Variants in CLASP1 observed in about 807,000 individuals in gnomAD.
CLASP1 encodes the protein CLIP-associating protein 1.
Under a neutral mutation model 192.3 loss-of-function variants are expected in CLASP1, and 38 were observed. The ratio of observed to expected loss-of-function variants is 0.20; its 90% CI spans 0.15 to 0.26. CLASP1 has a LOEUF of 0.26. Among genes scored for constraint, CLASP1 ranks in the 10% least tolerant of loss-of-function variants. CLASP1 has a pLI of 1.00. For synonymous variants in CLASP1, 691 were observed against 712.8 expected (o/e 0.97, Z 0.49); for missense variants, 1,433 against 1,932.5 (o/e 0.74, Z 4.85).
At chr2:121,528,646 G>C (rs1200099171) in intron 4 of CLASP1, 31 bp downstream of exon 4, 4 of 1,586,518 alleles carry the variant, frequency 2.5e-6, no homozygotes, top group Non-Finnish European at 3.5e-6. Flanking sequence ...GCACTGGCCA[G>C]CTGACCTCAA....
chr2:121,404,521 C>A, intron 25 of CLASP1, 87 bp from the exon 27 acceptor site: 1 of 1,179,610 alleles, frequency 8.5e-7, no homozygotes, highest in Non-Finnish European at 1.2e-6. Context: ...GGCTAGAGTG[C>A]AGTGGTGCGA....
intron 8 of CLASP1, chr2:121,470,254 A>T (rs1481393969): frequency 2.0e-6 from 1 of 498,204 alleles, no homozygotes; most frequent in Non-Finnish European, 3.9e-6. Context: ...ACCTTGAAAC[A>T]GTTATTTTCA....
At chr2:121,594,544 T>C (rs76092665) in intron 2 of CLASP1, among the ~76,000 whole-genome samples, 35,701 of 150,024 alleles carry the variant, frequency 0.24, 6,440 homozygotes, top group African/African-American at 0.51. Flanking sequence ...AGGCACCCGA[T>C]ACCACGCCCG....
intron 8 of CLASP1, among the ~76,000 whole-genome samples, chr2:121,484,147 T>C (rs1278522828): frequency 6.6e-6 from 1 of 152,224 alleles, no homozygotes; most frequent in Non-Finnish European, 1.5e-5. Context: ...AGGATATCTT[T>C]AAAGAGATTT....
intron 30 of CLASP1, among the ~76,000 whole-genome samples, chr2:121,396,925 G>A (rs2075373409): frequency 6.6e-6 from 1 of 152,200 alleles, no homozygotes. Context: ...ATATAAAGTA[G>A]ATGCCTGGGG....
At chr2:121,444,932 C>A (rs759062443) in intron 19 of CLASP1, 22 of 1,357,036 alleles carry the variant, frequency 1.6e-5, no homozygotes, top group Non-Finnish European at 2.1e-5. Context: ...AGAAACAAAC[C>A]GCTTACCCTC....
intron 19 of CLASP1, chr2:121,445,520 C>T: frequency 7.9e-7 from 1 of 1,270,198 alleles, no homozygotes; most frequent in Non-Finnish European, 1.0e-6. Flanking sequence ...AAAGGATCAT[C>T]AGCTTTAATG....
intron 30 of CLASP1, among the ~76,000 whole-genome samples, chr2:121,395,960 C>T (rs1294706578): frequency 6.6e-6 from 1 of 152,164 alleles, no homozygotes; most frequent in Non-Finnish European, 1.5e-5. Flanking sequence ...GAGATTCATT[C>T]CAAGGCCATG....
Position 121,545,262 on chromosome 2 carries a change from G to A in CLASP1, c.196-14937C>T, listed in dbSNP as rs527323471. On this transcript the variant is annotated intron_variant, in intron 2 of 39. Transcript: ENST00000263710. Reference sequence around the variant, plus strand: ...CAGCAAGGGCAGAGAATGAGAGCAAGTTAGAAATCAACAGGGGAATACAAA... The same window carrying A: ...CAGCAAGGGCAGAGAATGAGAGCAAATTAGAAATCAACAGGGGAATACAAA... Among the ~76,000 whole-genome samples the A allele has an allele frequency of 4.6e-5, 7 of 152,268 alleles. No individual in the cohort carries two copies. In the East Asian group the frequency reaches 1.4e-3, roughly 29 times the overall value.
intron 2 of CLASP1, among the ~76,000 whole-genome samples, chr2:121,579,334 T>A (rs1482662122): frequency 6.6e-6 from 1 of 152,228 alleles, no homozygotes; most frequent in East Asian, 1.9e-4. Context: ...AAAATTGGTG[T>A]TTCATGTGCA....
chr2:121,593,749 G>A (rs2062730873), intron 2 of CLASP1, among the ~76,000 whole-genome samples: 1 of 151,186 alleles, frequency 6.6e-6, no homozygotes, highest in African/African-American at 2.4e-5. Context: ...AGTGGCTCAC[G>A]CCTGTAATCC....
intron 23 of CLASP1, among the ~76,000 whole-genome samples, chr2:121,412,462 C>T (rs2077874953): frequency 6.6e-6 from 1 of 151,158 alleles, no homozygotes; most frequent in South Asian, 2.1e-4. Flanking sequence ...TACAGATGAT[C>T]TTTGTTCAAG....
chr2:121,458,992 A>G lies in CLASP1; in HGVS notation c.1179-17T>C. On this transcript the variant is annotated splice_polypyrimidine_tract_variant and intron_variant, in intron 12 of 39. Transcript: ENST00000263710. ...GACAGATGCCTAAAACAAGAAAAGG[A>G]TACTGGACTATAGTTATTTTTCTTA... 1 of 1,585,520 alleles carries G rather than the reference A, an allele frequency of 6.3e-7. No homozygotes were observed.
At chr2:121,438,931 T>C (rs1342378866) in intron 19 of CLASP1, among the ~76,000 whole-genome samples, 1 of 151,118 alleles carries the variant, frequency 6.6e-6, no homozygotes, top group Non-Finnish European at 1.5e-5. Context: ...GTACCTCTGG[T>C]AGAATTCGGC....
rs181535105 is a variant in CLASP1, at chr2:121,557,955, C to A, written c.196-27630G>T. ...AATTAGCCGGGCATGGTGGTGGGCA[C>A]CTGTAATCCCAGCTACTCAGGAGGC... On this transcript the variant is annotated intron_variant, in intron 2 of 39. Coordinates refer to ENST00000263710, the Ensembl canonical transcript of CLASP1. 2.6e-5 allele frequency among the ~76,000 whole-genome samples: 4 copies of A among 151,092 alleles called. No homozygotes were observed. The East Asian group carries it at 7.9e-4, about 30-fold the overall frequency.
intron 4 of CLASP1, among the ~76,000 whole-genome samples, 172 bp from the exon 5 acceptor site, chr2:121,528,062 T>C (rs974189887): frequency 1.3e-5 from 2 of 152,236 alleles, no homozygotes; most frequent in Non-Finnish European, 2.9e-5. Context: ...TATCATGTTA[T>C]CAAGTATATC....
At chr2:121,402,259 A>G (rs543355750) in intron 26 of CLASP1, among the ~76,000 whole-genome samples, 15 of 152,372 alleles carry the variant, frequency 9.8e-5, no homozygotes, top group Admixed American at 4.6e-4. Flanking sequence ...ATAAAGTAAT[A>G]GATTACGGCT....
chr2:121,444,329 A>G (rs1466900000), intron 19 of CLASP1, among the ~76,000 whole-genome samples: 1 of 152,234 alleles, frequency 6.6e-6, no homozygotes, highest in Non-Finnish European at 1.5e-5. Flanking sequence ...TACACGGTTG[A>G]TGAGGGGATG....
intron 30 of CLASP1, among the ~76,000 whole-genome samples, chr2:121,394,698 G>A (rs2074979940): frequency 6.6e-6 from 1 of 152,132 alleles, no homozygotes; most frequent in Non-Finnish European, 1.5e-5. Context: ...TGACCAACAT[G>A]GTGAAACCCC....
Sources: allele counts gnomAD v4.1 joint callset (sites outside exome capture counted in the v4.1 genomes callset), GRCh38; gene constraint gnomAD v4.1.1; transcripts MANE v1.5; gene names NCBI Gene and HGNC (gene_info 2026-07-23, HGNC 2026-07-21).